The following RBBP8 variants were observed in gnomAD, a reference collection of about 807,000 sequenced individuals.
The protein encoded by RBBP8 is RB binding protein 8, endonuclease.
In RBBP8, 88 loss-of-function variants were observed where a neutral mutation model predicts 108.3. The ratio of observed to expected loss-of-function variants is 0.81; its 90% CI spans 0.68 to 0.97. The LOEUF (loss-of-function observed/expected upper bound fraction) is 0.97. RBBP8 is among the 50% of genes least tolerant of loss of function. The pLI, the probability that RBBP8 is intolerant of heterozygous loss-of-function variation, is 0.00. For missense variants in RBBP8, 1,023 were observed against 1,049.0 expected, an observed-to-expected ratio of 0.98 and a Z score of 0.34; for synonymous variants, 332 against 348.2, an observed-to-expected ratio of 0.95 and a Z score of 0.52.
At position 22,958,988 on chromosome 18, in the gene RBBP8, T is replaced by C. The variant is rs1283567800; in HGVS notation, c.248+9275T>C. On this transcript the variant is annotated intron_variant, in intron 4 of 18. Coordinates refer to ENST00000327155, the MANE Select transcript of RBBP8 (RefSeq NM_002894.3). ...CATTAATTCAGTTATTTCATTTCTC[T>C]CATGTTAAACAGTCAACAAATACTT... is the stretch of plus-strand genomic sequence containing the variant. 3.9e-5 allele frequency among the ~76,000 whole-genome samples: 6 copies of C among 152,234 alleles called. No homozygotes were observed. The South Asian group carries it at 8.3e-4, about 21-fold the overall frequency.
chr18:23,004,282 T>C (rs116276883), intron 15 of RBBP8, among the ~76,000 whole-genome samples: 2,236 of 151,772 alleles, frequency 0.015, 47 homozygotes, highest in African/African-American at 0.051. Context: ...TATATATATA[T>C]ATACACACAC....
chr18:22,956,261 C>G (rs1912530418), intron 4 of RBBP8, among the ~76,000 whole-genome samples: 1 of 152,048 alleles, frequency 6.6e-6, no homozygotes, highest in Non-Finnish European at 1.5e-5. Context: ...TCTGTACAAA[C>G]TAACATTTTG....
chr18:22,945,095 G>A (rs148641709), intron 2 of RBBP8, among the ~76,000 whole-genome samples: 12 of 152,006 alleles, frequency 7.9e-5, no homozygotes, highest in African/African-American at 2.4e-4. Flanking sequence ...TGGGTTCTTC[G>A]GAAATCAGTC....
At chr18:22,968,737 A>G (rs1913835486) in intron 4 of RBBP8, 69 bp from the exon 5 acceptor site, 2 of 1,285,718 alleles carry the variant, frequency 1.6e-6, no homozygotes, top group East Asian at 5.0e-5. Flanking sequence ...AAATCTTTAT[A>G]AAAGTCTTGG....
At chr18:22,944,713 C>T (rs1911402935) in intron 2 of RBBP8, among the ~76,000 whole-genome samples, 1 of 152,022 alleles carries the variant, frequency 6.6e-6, no homozygotes, top group Non-Finnish European at 1.5e-5. Context: ...ATCAGTTGGA[C>T]ATTTTCTAAA....
At chr18:22,930,159 G>A (rs942133424), upstream of RBBP8, among the ~76,000 whole-genome samples, 8 of 152,120 alleles carry the variant, frequency 5.3e-5, no homozygotes, top group Admixed American at 6.5e-5. Context: ...ATTTTAAATT[G>A]GTGCCTAGAT....
intron 3 of RBBP8, chr18:22,920,690 T>C (rs527448073): frequency 7.1e-4 from 108 of 152,308 alleles, no homozygotes; most frequent in Non-Finnish European, 1.4e-3. Flanking sequence ...TAGCTAATAA[T>C]ACCCAGGAGT....
At chr18:22,950,985 G>A (rs972060440) in intron 4 of RBBP8, among the ~76,000 whole-genome samples, 1 of 152,184 alleles carries the variant, frequency 6.6e-6, no homozygotes, top group South Asian at 2.1e-4. Context: ...CCTTTTAGTG[G>A]TGAAATAATT....
At chr18:22,987,359 T>C (rs921192094) in intron 8 of RBBP8, among the ~76,000 whole-genome samples, 10 of 152,194 alleles carry the variant, frequency 6.6e-5, no homozygotes, top group African/African-American at 2.4e-4. Flanking sequence ...CCTTTCTTAC[T>C]CCTTACACTG....
chr18:23,022,660 AAAT>A lies in RBBP8; in HGVS notation c.2596+393_2596+395del, dbSNP rs371161148. Among the ~76,000 whole-genome samples the A allele has an allele frequency of 4.9e-3, 254 of 51,444 alleles. 16 individuals are homozygous for A. The highest frequency in any genetic ancestry group is 0.02 in the Middle Eastern group (1 of 50). 33.7% of individuals were successfully genotyped at this position (51,444 alleles called of 152,430 possible). A position where few individuals can be genotyped will look rare whatever the true frequency, so the allele number is the denominator to read the frequency against. On this transcript the variant is annotated intron_variant, in intron 18 of 18. Transcript: ENST00000327155. ...AATAAATAAAATACAATATAAAATA[AAAT>A]AAAATAAATAACTGTATATGCCCAA...
chr18:23,026,436 TAA>T lies in RBBP8; in HGVS notation c.*197_*198del. On this transcript the variant is annotated 3_prime_UTR_variant, in exon 19 of 19. Transcript: ENST00000327155. ...GGCGCTTTCATTTTGCACTCTAACT[TAA>T]GAGTTTTTACTTTATGTAGTGATAC... 1.8e-6 allele frequency: 1 copy of T among 541,196 alleles called. No homozygotes were observed. Among genetic ancestry groups the T allele is most frequent in the Non-Finnish European group, 3.4e-6 (1 of 297,690 alleles). The allele number at this position is 541,196 out of a possible 1,614,324, so 33.5% of individuals were successfully genotyped here.
At chr18:23,003,951 G>T (rs2045990822) in intron 15 of RBBP8, among the ~76,000 whole-genome samples, 1 of 150,946 alleles carries the variant, frequency 6.6e-6, no homozygotes, top group Non-Finnish European at 1.5e-5. Flanking sequence ...CAGCTACTCG[G>T]GAGGCTCAGG....
rs751812138 is a variant in RBBP8 at position 22,992,740 on chromosome 18, T to C, written c.921-8T>C. 63 of 1,569,608 alleles carry C rather than the reference T, an allele frequency of 4.0e-5. No homozygotes were observed. The highest frequency in any genetic ancestry group is 5.2e-5 in the Non-Finnish European group (59 of 1,140,414). ...TGTATTAAAGAATTGTTATCACTCT[T>C]TATTTAGATTTTCAGATTCTACTTC... On this transcript the variant is annotated splice_region_variant and splice_polypyrimidine_tract_variant and intron_variant, in intron 10 of 18. Coordinates refer to ENST00000327155, the MANE Select transcript of RBBP8 (RefSeq NM_002894.3).
At chr18:22,969,897 G>A (rs1913939672) in intron 5 of RBBP8, among the ~76,000 whole-genome samples, 1 of 152,032 alleles carries the variant, frequency 6.6e-6, no homozygotes. Flanking sequence ...CATTTATTTA[G>A]GAATGTAAGA....
chr18:22,990,458 G>A lies in RBBP8; in HGVS notation c.808-479G>A, dbSNP rs184973074. On this transcript the variant is annotated intron_variant, in intron 9 of 18. Coordinates refer to ENST00000327155, the MANE Select transcript of RBBP8 (RefSeq NM_002894.3). ...TTGGAATTGGAGTTTTATATACAAGGAGTAGAATATACTTGTGTAAAACAT... is the reference window on the plus strand; with the variant it reads ...TTGGAATTGGAGTTTTATATACAAGAAGTAGAATATACTTGTGTAAAACAT... Among the ~76,000 whole-genome samples the A allele has an allele frequency of 2.0e-5, 3 of 152,196 alleles. 1 individual carries two copies. Among genetic ancestry groups the A allele is most frequent in the Admixed American group, 2.0e-4 (3 of 15,294 alleles).
At chr18:22,992,408 C>A (rs2144698659) in intron 10 of RBBP8, among the ~76,000 whole-genome samples, 1 of 152,278 alleles carries the variant, frequency 6.6e-6, no homozygotes, top group South Asian at 2.1e-4. Context: ...GTTAGCCAGG[C>A]TGGCCTCGAA....
In RBBP8 at chr18:23,023,534, G is replaced by A. The variant is rs978621429; in HGVS notation, c.2596+1264G>A. Reference sequence around the variant, plus strand: ...AAAAGTATAGATCCACATTTTTCTGGTTTTATATTTTCTACCAAAATTAAG... The same window carrying A: ...AAAAGTATAGATCCACATTTTTCTGATTTTATATTTTCTACCAAAATTAAG... On this transcript the variant is annotated intron_variant, in intron 18 of 18. Coordinates refer to ENST00000327155, the MANE Select transcript of RBBP8 (RefSeq NM_002894.3). 2.0e-5 allele frequency among the ~76,000 whole-genome samples: 3 copies of A among 152,042 alleles called. No individual in the cohort carries two copies. In the East Asian group the frequency reaches 5.8e-4, roughly 29 times the overall value.
At chr18:23,011,536 A>T (rs182771323) in intron 16 of RBBP8, among the ~76,000 whole-genome samples, 1 of 149,194 alleles carries the variant, frequency 6.7e-6, no homozygotes, top group East Asian at 2.0e-4. Context: ...TCCCGGGTTC[A>T]TGCCATTCTC....
chr18:22,985,124 A>G, intron 8 of RBBP8, 134 bp downstream of exon 8: 9 of 1,185,374 alleles, frequency 7.6e-6, no homozygotes, highest in Non-Finnish European at 1.0e-5. Flanking sequence ...CTAGTTTACT[A>G]TCTTTTTCAT....
Sources: allele counts gnomAD v4.1 joint callset (sites outside exome capture counted in the v4.1 genomes callset), GRCh38; gene constraint gnomAD v4.1.1; transcripts MANE v1.5; gene names NCBI Gene and HGNC (gene_info 2026-07-23, HGNC 2026-07-21).